Variants in SLC35A3 observed in about 807,000 individuals in gnomAD.
The protein encoded by SLC35A3 is solute carrier family 35 member A3.
In SLC35A3, 26 loss-of-function variants were observed where a neutral mutation model predicts 39.0. The ratio of observed to expected loss-of-function variants is 0.67; its 90% confidence interval spans 0.49 to 0.92. The LOEUF (loss-of-function observed/expected upper bound fraction) is 0.92, where lower values mean the gene tolerates loss of function less well. Ranked by LOEUF, SLC35A3 falls within the 40% of genes least tolerant of loss-of-function variation. The probability of loss-of-function intolerance (pLI) is 0.00; values close to 1 mark genes in which losing one functional copy is unlikely to be tolerated. For missense variants in SLC35A3, 299 were observed against 371.6 expected (o/e 0.80, Z 1.61); for synonymous variants, 135 against 133.1 (o/e 1.01, Z -0.10).
chr1:100,021,459 GC>G (rs1211284920), intron 7 of SLC35A3, among the ~76,000 whole-genome samples: 1 of 152,096 alleles, frequency 6.6e-6, no homozygotes, highest in African/African-American at 2.4e-5. Flanking sequence ...GATCACTTGA[GC>G]CCAGGAGTTC....
At chr1:99,995,160 C>CTTTCTTT (rs1557831359) in intron 2 of SLC35A3, among the ~76,000 whole-genome samples, 1 of 73,064 alleles carries the variant, frequency 1.4e-5, no homozygotes, top group African/African-American at 5.1e-5. Context: ...TTCTTTCTTT[C>CTTTCTTT]TTTTTTTTTC....
At chr1:100,017,843 A>T in intron 7 of SLC35A3, 28 bp downstream of exon 7, 1 of 1,473,662 alleles carries the variant, frequency 6.8e-7, no homozygotes, top group Admixed American at 2.2e-5. Flanking sequence ...ATTTTTTTAA[A>T]TCCCCAGAAG....
intron 1 of SLC35A3, among the ~76,000 whole-genome samples, chr1:99,985,770 G>C (rs537539787): frequency 1.3e-5 from 2 of 152,250 alleles, no homozygotes; most frequent in East Asian, 3.9e-4. Context: ...TTTCCTTATA[G>C]AGGTCCTTCA....
Position 100,028,501 on chromosome 1 carries a change from AT to A in SLC35A3, c.*6032del. ...GCCACCATGCCCAGCTGATTTTTGTATTTTTTTGTAGAGATGGGGTTTTGCC... is the reference window on the plus strand; with the variant it reads ...GCCACCATGCCCAGCTGATTTTTGTATTTTTTGTAGAGATGGGGTTTTGCC... On this transcript the variant is annotated 3_prime_UTR_variant, in exon 8 of 8. Transcript: ENST00000533028. 3 of 151,004 alleles carry A rather than the reference AT, an allele frequency of 2.0e-5. No homozygotes were observed. The highest frequency in any genetic ancestry group is 4.4e-5 in the Non-Finnish European group (3 of 67,850). The allele number at this position is 151,004 out of a possible 1,614,324, so 9.4% of individuals were successfully genotyped here. A position where few individuals can be genotyped will look rare whatever the true frequency, so the allele number is the denominator to read the frequency against.
chr1:100,014,692 A>T (rs576119893), intron 5 of SLC35A3, among the ~76,000 whole-genome samples: 1 of 152,300 alleles, frequency 6.6e-6, no homozygotes. Flanking sequence ...TAGCCATGTA[A>T]TTATCTAATT....
At chr1:99,986,470 A>C (rs1446952737) in intron 1 of SLC35A3, among the ~76,000 whole-genome samples, 17 of 152,162 alleles carry the variant, frequency 1.1e-4, no homozygotes, top group Admixed American at 1.1e-3. Context: ...ATTATAATAA[A>C]TAAAGAGCAT....
chr1:100,017,007 A>C (rs1486490802), intron 6 of SLC35A3, among the ~76,000 whole-genome samples: 1 of 152,252 alleles, frequency 6.6e-6, no homozygotes, highest in Non-Finnish European at 1.5e-5. Context: ...TAAAGCTTCC[A>C]TCATAGAAGA....
At chr1:99,996,499 G>A (rs1213815567) in intron 2 of SLC35A3, among the ~76,000 whole-genome samples, 1 of 152,052 alleles carries the variant, frequency 6.6e-6, no homozygotes, top group Non-Finnish European at 1.5e-5. Flanking sequence ...AAAACCACAG[G>A]ACACAATTTC....
At chr1:99,982,687 G>A (rs1350992497) in intron 1 of SLC35A3, among the ~76,000 whole-genome samples, 1 of 152,032 alleles carries the variant, frequency 6.6e-6, no homozygotes, top group African/African-American at 2.4e-5. Flanking sequence ...CATGAAATAA[G>A]CTAATATTTT....
At position 99,993,605 on chromosome 1, in the gene SLC35A3, T is replaced by C; in HGVS notation, c.51T>C (p.Thr17=). 6.2e-7 allele frequency: 1 copy of C among 1,614,102 alleles called. No individual in the cohort carries two copies. Among genetic ancestry groups the C allele is most frequent in the South Asian group, 1.1e-5 (1 of 91,078 alleles). The change falls in exon 2 of 8, where the codon ACT becomes ACC. Residue 17 remains threonine, a synonymous_variant. Coordinates refer to ENST00000533028, the MANE Select transcript of SLC35A3 (RefSeq NM_012243.3). ...CCCTGGGAATTTTGGTCTTTCAGAC[T>C]ACCAGTTTGGTTCTAACAATGCGTT... is the stretch of plus-strand genomic sequence containing the variant. ...YVSLGILVFQ[T]TSLVLTMRYS... is the part of the protein sequence containing the mutation.
intron 5 of SLC35A3, among the ~76,000 whole-genome samples, chr1:100,014,723 T>TGCTCCAAA (rs1297659873): frequency 6.6e-6 from 1 of 152,248 alleles, no homozygotes; most frequent in Non-Finnish European, 1.5e-5. Flanking sequence ...ATTATTTTAG[T>TGCTCCAAA]GCTCCAAAGT....
At chr1:99,972,087 G>A (rs1445752112) in intron 1 of SLC35A3, among the ~76,000 whole-genome samples, 1 of 151,948 alleles carries the variant, frequency 6.6e-6, no homozygotes, top group Non-Finnish European at 1.5e-5. Flanking sequence ...TTTTAGTTGA[G>A]ACGGGGTTTC....
At chr1:100,022,350 A>C in intron 7 of SLC35A3, 36 bp from the exon 8 acceptor site, 1 of 1,145,254 alleles carries the variant, frequency 8.7e-7, no homozygotes, top group Non-Finnish European at 1.3e-6. Context: ...TTTTAATCTG[A>C]TTTTCTCTTT....
intron 1 of SLC35A3, among the ~76,000 whole-genome samples, chr1:99,973,422 A>G (rs980557674): frequency 6.6e-6 from 1 of 152,226 alleles, no homozygotes; most frequent in Non-Finnish European, 1.5e-5. Flanking sequence ...AATTATCTCT[A>G]TTAATGAAGG....
At chr1:99,994,941 G>A (rs564558131) in intron 2 of SLC35A3, among the ~76,000 whole-genome samples, 1 of 152,220 alleles carries the variant, frequency 6.6e-6, no homozygotes, top group South Asian at 2.1e-4. Context: ...GAAGGTTCCT[G>A]TTTCTTCACA....
At chr1:100,000,166 A>G (rs1487723350) in intron 3 of SLC35A3, among the ~76,000 whole-genome samples, 4 of 152,138 alleles carry the variant, frequency 2.6e-5, no homozygotes, top group African/African-American at 7.2e-5. Flanking sequence ...ACTGTTTTCC[A>G]TAGAGGCTGT....
At chr1:99,990,909 A>G (rs1163650472) in intron 1 of SLC35A3, among the ~76,000 whole-genome samples, 2 of 152,196 alleles carry the variant, frequency 1.3e-5, no homozygotes, top group African/African-American at 4.8e-5. Context: ...TGAGGATACA[A>G]TGAGAAGACA....
At chr1:100,005,288 G>A (rs481660) in intron 3 of SLC35A3, among the ~76,000 whole-genome samples, 13,847 of 151,890 alleles carry the variant, frequency 0.091, 1,128 homozygotes, top group African/African-American at 0.22. Context: ...TTTGACTTTT[G>A]GTAGAAAAAA....
intron 1 of SLC35A3, among the ~76,000 whole-genome samples, chr1:99,983,492 TCGCGCCACTGCACTCCAGCCTGGG>T (rs1657574799): frequency 1.3e-5 from 2 of 150,464 alleles, no homozygotes; most frequent in Non-Finnish European, 3.0e-5. Context: ...TGAGCCGAGA[TCGCGCCACTGCACTCCAGCCTGGG>T]CGACAAAGCG....
Sources: allele counts gnomAD v4.1 joint callset (sites outside exome capture counted in the v4.1 genomes callset), GRCh38; gene constraint gnomAD v4.1.1; transcripts MANE v1.5; gene names NCBI Gene and HGNC (gene_info 2026-07-23, HGNC 2026-07-21).